KCNH1: variants seen among roughly 807,000 people sequenced by gnomAD.
KCNH1 encodes the protein voltage-gated delayed rectifier potassium channel KCNH1.
KCNH1 carries 27 observed loss-of-function variants against 69.2 expected under a neutral mutation model. The observed-to-expected ratio is 0.39, with a 90% CI of 0.29 to 0.54. The LOEUF is 0.54. Among genes scored for constraint, KCNH1 ranks in the 20% least tolerant of loss-of-function variants. The pLI is 0.68. For missense variants in KCNH1, 798 were observed against 1,261.6 expected (o/e 0.63, Z 5.57); for synonymous variants, 456 against 487.7 (o/e 0.93, Z 0.86).
intron 6 of KCNH1, among the ~76,000 whole-genome samples, chr1:210,921,426 T>C (rs1173518041): frequency 6.6e-6 from 1 of 152,236 alleles, no homozygotes; most frequent in African/African-American, 2.4e-5. Context: ...ACTAACAGTT[T>C]CAATGTCACT....
intron 7 of KCNH1, among the ~76,000 whole-genome samples, chr1:210,865,208 A>G (rs930521127): frequency 1.3e-5 from 2 of 152,254 alleles, no homozygotes; most frequent in African/African-American, 4.8e-5. Context: ...ATATGCCCCC[A>G]TAGTCTCCCA....
At chr1:211,049,956 T>C (rs1690166928) in intron 5 of KCNH1, among the ~76,000 whole-genome samples, 1 of 152,040 alleles carries the variant, frequency 6.6e-6, no homozygotes, top group Non-Finnish European at 1.5e-5. Context: ...GAGAACTTTC[T>C]CTTTGACACT....
chr1:211,075,624 C>T (rs774442555), intron 5 of KCNH1, among the ~76,000 whole-genome samples: 10 of 152,148 alleles, frequency 6.6e-5, no homozygotes, highest in East Asian at 3.9e-4. Flanking sequence ...CCAAGATGGC[C>T]GAATAGGAAC....
At position 210,917,229 on chromosome 1, in the gene KCNH1, G is replaced by GAGAGAAAGAA. The variant is rs1430374011; in HGVS notation, c.1462+2410_1462+2411insTTCTTTCTCT. On this transcript the variant is annotated intron_variant, in intron 7 of 10. Transcript: ENST00000271751. Reference sequence around the variant, plus strand: ...GGACAGAGAGAGAGAGAGAGAGAGAGAGAAAGAAAGAAAGAAAGAAAGAAA... The same window carrying GAGAGAAAGAA: ...GGACAGAGAGAGAGAGAGAGAGAGAGAGAGAAAGAAAGAAAGAAAGAAAGAAAGAAAGAAA... 9.1e-3 allele frequency among the ~76,000 whole-genome samples: 718 copies of GAGAGAAAGAA among 78,804 alleles called. 10 individuals are homozygous for GAGAGAAAGAA. Among genetic ancestry groups the GAGAGAAAGAA allele is most frequent in the East Asian group, 0.062 (157 of 2,512 alleles). The allele number at this position is 78,804 out of a possible 152,430, so 51.7% of individuals were successfully genotyped here. A position where few individuals can be genotyped will look rare whatever the true frequency, so the allele number is the denominator to read the frequency against.
chr1:210,720,040 G>A (rs1260294614), intron 10 of KCNH1, among the ~76,000 whole-genome samples: 1 of 151,986 alleles, frequency 6.6e-6, no homozygotes, highest in Non-Finnish European at 1.5e-5. Flanking sequence ...TGAGAACAAG[G>A]GCCACATCAT....
chr1:210,728,875 G>A (rs928943414), intron 10 of KCNH1, among the ~76,000 whole-genome samples: 2 of 152,222 alleles, frequency 1.3e-5, no homozygotes, highest in African/African-American at 4.8e-5. Flanking sequence ...GCTCTTCTCT[G>A]ACCCCAAATC....
At chr1:210,691,199 A>G (rs10494927) in intron 10 of KCNH1, among the ~76,000 whole-genome samples, 2,575 of 152,298 alleles carry the variant, frequency 0.017, 35 homozygotes, top group Middle Eastern at 0.031. Flanking sequence ...AGAATTAGGT[A>G]CACAAGGTGA....
intron 10 of KCNH1, among the ~76,000 whole-genome samples, chr1:210,760,925 C>T (rs755040907): frequency 6.6e-6 from 1 of 152,114 alleles, no homozygotes; most frequent in African/African-American, 2.4e-5. Flanking sequence ...AGAACACAGT[C>T]AAATCATATC....
chr1:210,956,536 GT>G (rs770358496), intron 6 of KCNH1, among the ~76,000 whole-genome samples: 16,622 of 122,124 alleles, frequency 0.14, 1,064 homozygotes, highest in East Asian at 0.38. Context: ...TGGTCCTGGA[GT>G]TTTTTTTTTT....
At chr1:210,777,619 T>C (rs920834649) in intron 9 of KCNH1, among the ~76,000 whole-genome samples, 10 of 152,196 alleles carry the variant, frequency 6.6e-5, no homozygotes, top group African/African-American at 2.4e-4. Context: ...GGCCAATTCA[T>C]TTGTAAATAT....
chr1:210,730,214 C>T (rs1052884417), intron 10 of KCNH1, among the ~76,000 whole-genome samples: 4 of 152,152 alleles, frequency 2.6e-5, no homozygotes, highest in African/African-American at 7.2e-5. Context: ...ATGATAACAT[C>T]TCAAAGCTGC....
intron 7 of KCNH1, among the ~76,000 whole-genome samples, chr1:210,911,076 A>G (rs1219607005): frequency 1.3e-5 from 2 of 152,134 alleles, no homozygotes; most frequent in African/African-American, 4.8e-5. Flanking sequence ...CATTCATTCT[A>G]TATTTATTGA....
chr1:210,848,185 G>A (rs1685602809), intron 7 of KCNH1, among the ~76,000 whole-genome samples: 1 of 152,150 alleles, frequency 6.6e-6, no homozygotes, highest in African/African-American at 2.4e-5. Flanking sequence ...TACCTTATAG[G>A]TAGTAGACAT....
chr1:210,821,780 T>C (rs1022049979), intron 7 of KCNH1, among the ~76,000 whole-genome samples: 1 of 152,076 alleles, frequency 6.6e-6, no homozygotes, highest in Non-Finnish European at 1.5e-5. Context: ...GACAACCACT[T>C]GGTCCAATAG....
rs1432536593 is a variant in KCNH1, at chr1:211,040,213, CG to C, written c.559-20958del. Among the ~76,000 whole-genome samples the C allele has an allele frequency of 3.4e-5, 5 of 146,530 alleles. No individual in the cohort carries two copies. The East Asian group carries it at 9.9e-4, about 29-fold the overall frequency. On this transcript the variant is annotated intron_variant, in intron 5 of 10. Transcript: ENST00000271751. ...CTCAAAAAAAAAAAAAAAAAGACTT[CG>C]GGGGACTGTTGGGAAGGCATGATTG...
chr1:210,782,334 A>G (rs993872307), intron 9 of KCNH1, among the ~76,000 whole-genome samples: 2 of 152,086 alleles, frequency 1.3e-5, no homozygotes, highest in Admixed American at 1.3e-4. Context: ...CACCCCCTCA[A>G]ATTTATATGC....
intron 10 of KCNH1, among the ~76,000 whole-genome samples, chr1:210,712,572 ACTTTC>A (rs944918045): frequency 1.4e-4 from 21 of 152,180 alleles, no homozygotes; most frequent in African/African-American, 4.6e-4. Flanking sequence ...TGCTAGAGTG[ACTTTC>A]CTTTAATTTT....
chr1:210,886,262 G>A (rs1283647957), intron 7 of KCNH1, among the ~76,000 whole-genome samples: 2 of 152,310 alleles, frequency 1.3e-5, no homozygotes, highest in East Asian at 3.9e-4. Flanking sequence ...AGGGTCTGGA[G>A]TGGACCTCCA....
intron 7 of KCNH1, among the ~76,000 whole-genome samples, chr1:210,866,819 T>C (rs905017631): frequency 6.6e-6 from 1 of 152,088 alleles, no homozygotes; most frequent in Non-Finnish European, 1.5e-5. Context: ...ATAATGTTCA[T>C]AGGAACATTG....
Sources: allele counts gnomAD v4.1 joint callset (sites outside exome capture counted in the v4.1 genomes callset), GRCh38; gene constraint gnomAD v4.1.1; transcripts MANE v1.5; gene names NCBI Gene and HGNC (gene_info 2026-07-23, HGNC 2026-07-21).